FAM178B: variants seen among roughly 807,000 people sequenced by gnomAD.
FAM178B encodes protein FAM178B.
A neutral mutation model predicts 91.7 loss-of-function variants in FAM178B; 82 were observed. The ratio of observed to expected loss-of-function variants is 0.89; its 90% CI spans 0.75 to 1.07. The LOEUF is 1.07. FAM178B is among the 50% of genes least tolerant of loss of function. The pLI is 0.00. For synonymous variants in FAM178B, 368 were observed against 359.4 expected, an observed-to-expected ratio of 1.02 and a Z score of -0.27; for missense variants, 769 against 846.7, an observed-to-expected ratio of 0.91 and a Z score of 1.14.
At chr2:96,973,543 A>C (rs2082251491) in intron 1 of FAM178B, among the ~76,000 whole-genome samples, 1 of 152,220 alleles carries the variant, frequency 6.6e-6, no homozygotes, top group Non-Finnish European at 1.5e-5. Flanking sequence ...GATCGGACCC[A>C]GGCTCAAACT....
intron 13 of FAM178B, among the ~76,000 whole-genome samples, chr2:96,900,735 G>T (rs1462505161): frequency 6.6e-6 from 1 of 151,942 alleles, no homozygotes; most frequent in Non-Finnish European, 1.5e-5. Context: ...GGCAAAGGAG[G>T]CATCTGAGGC....
At chr2:96,905,834 ATATATATATATATATATATATATATATTT>A (rs1374052224) in intron 12 of FAM178B, among the ~76,000 whole-genome samples, 239 of 23,022 alleles carry the variant, frequency 0.01, 5 homozygotes, top group Non-Finnish European at 0.02. Flanking sequence ...ATATATATAT[ATATATATATATATATATATATATATATTT>A]TTTTTTTTTT....
At chr2:96,893,715 G>A (rs753229977) in intron 14 of FAM178B, among the ~76,000 whole-genome samples, 7 of 152,054 alleles carry the variant, frequency 4.6e-5, no homozygotes, top group African/African-American at 7.2e-5. Flanking sequence ...CGTCCCCAGC[G>A]CCTGCGGCAC....
intron 12 of FAM178B, 50 bp from the exon 13 acceptor site, chr2:96,902,757 C>T: frequency 7.1e-7 from 1 of 1,402,146 alleles, no homozygotes; most frequent in Non-Finnish European, 9.9e-7. Context: ...AGTCGGGGAG[C>T]CCGAGCAGGG....
intron 6 of FAM178B, among the ~76,000 whole-genome samples, chr2:96,954,003 G>A (rs1380068959): frequency 1.3e-5 from 2 of 152,240 alleles, no homozygotes; most frequent in Non-Finnish European, 2.9e-5. Context: ...TTGGGTGACA[G>A]AATTGGCTGT....
chr2:96,964,133 T>G (rs1184760310), intron 5 of FAM178B, among the ~76,000 whole-genome samples: 1 of 141,134 alleles, frequency 7.1e-6, no homozygotes, highest in Non-Finnish European at 1.6e-5. Flanking sequence ...TGAGCCAAGA[T>G]AACTCCAGCC....
At chr2:96,953,037 C>G (rs2081951643) in intron 6 of FAM178B, among the ~76,000 whole-genome samples, 1 of 152,218 alleles carries the variant, frequency 6.6e-6, no homozygotes, top group African/African-American at 2.4e-5. Context: ...GCTGCTGTCT[C>G]TCTGAGAATG....
At chr2:96,921,689 C>A (rs971255884) in intron 10 of FAM178B, 35 bp from the exon 11 acceptor site, 4 of 1,546,376 alleles carry the variant, frequency 2.6e-6, no homozygotes. Context: ...GTGGCCAGGG[C>A]ATGGGGGAAC....
rs2081854642 is a variant in FAM178B at position 96,947,792 on chromosome 2, T to C, written c.1078+26A>G. 4 of 1,396,470 alleles carry C rather than the reference T, an allele frequency of 2.9e-6. No individual in the cohort carries two copies. In the African/African-American group the frequency reaches 4.4e-5, roughly 15 times the overall value. 86.5% of individuals were successfully genotyped at this position (1,396,470 alleles called of 1,614,324 possible). A position where few individuals can be genotyped will look rare whatever the true frequency, so the allele number is the denominator to read the frequency against. ...CAGGCTTGGGAGCTCAGTGCGCCAA[T>C]CTCCACCCTGCATCCCAGTACTGAC... On this transcript the variant is annotated intron_variant, in intron 8 of 16. Coordinates refer to ENST00000490605, the MANE Select transcript of FAM178B (RefSeq NM_001122646.3).
intron 8 of FAM178B, among the ~76,000 whole-genome samples, chr2:96,940,154 C>T (rs1281176870): frequency 6.6e-6 from 1 of 152,158 alleles, no homozygotes; most frequent in African/African-American, 2.4e-5. Flanking sequence ...GCGTGGCAGA[C>T]CTGGATCCCA....
chr2:96,967,064 G>C (rs559739303), intron 5 of FAM178B, among the ~76,000 whole-genome samples: 1 of 152,270 alleles, frequency 6.6e-6, no homozygotes, highest in African/African-American at 2.4e-5. Flanking sequence ...ATGCTCCGAA[G>C]TAGAGATGAA....
intron 1 of FAM178B, among the ~76,000 whole-genome samples, chr2:96,978,973 A>ACT (rs200859866): frequency 0.034 from 1,501 of 44,188 alleles, 96 homozygotes; most frequent in East Asian, 0.18. Context: ...TGTATGTATC[A>ACT]CTTTTTTTTT....
At position 96,893,990 on chromosome 2, in the gene FAM178B, T is replaced by C. The variant is rs1265185047; in HGVS notation, c.1712A>G (p.Asp571Gly). 6 of 1,612,544 alleles carry C rather than the reference T, an allele frequency of 3.7e-6. No homozygotes were observed. Among genetic ancestry groups the C allele is most frequent in the Non-Finnish European group, 5.1e-6 (6 of 1,179,602 alleles). Residue 571 changes from aspartate (D) to glycine (G), a missense_variant, in exon 14 of 17, where the codon GAC (aspartate) becomes GGC (glycine). Coordinates refer to ENST00000490605, the MANE Select transcript of FAM178B (RefSeq NM_001122646.3). Reference protein sequence around the residue: ...MRPSSLRQYLDSVPLPPCQEQ... With the variant: ...MRPSSLRQYLGSVPLPPCQEQ... ...CTGGCAGGGTGGCAAGGGCACAGAGTCCAGGTATTGCCTGAGAGATGATGG... is the reference window on the plus strand; with the variant it reads ...CTGGCAGGGTGGCAAGGGCACAGAGCCCAGGTATTGCCTGAGAGATGATGG...
rs762857272 is a variant in FAM178B at position 96,967,639 on chromosome 2, C to T, written c.627-12G>A. 7.8e-6 allele frequency: 12 copies of T among 1,533,012 alleles called. No individual in the cohort carries two copies. Among genetic ancestry groups the T allele is most frequent in the African/African-American group, 4.1e-5 (3 of 72,722 alleles). 95.0% of individuals were successfully genotyped at this position (1,533,012 alleles called of 1,614,324 possible). A position where few individuals can be genotyped will look rare whatever the true frequency, so the allele number is the denominator to read the frequency against. ...CCAGGGCCTGTTCCCTATAGGAAGT[C>T]GAGGGCCAGAGCCGGGGGTCAGTGT... On this transcript the variant is annotated splice_polypyrimidine_tract_variant and intron_variant, in intron 4 of 16. Coordinates refer to ENST00000490605, the MANE Select transcript of FAM178B (RefSeq NM_001122646.3).
chr2:96,964,412 T>C (rs560183519), intron 5 of FAM178B, among the ~76,000 whole-genome samples: 90 of 152,214 alleles, frequency 5.9e-4, no homozygotes, highest in South Asian at 1.0e-3. Flanking sequence ...ATGTGGTGCT[T>C]AGACCAGCAC....
chr2:96,958,686 T>A (rs1464570153), intron 6 of FAM178B, among the ~76,000 whole-genome samples: 1 of 89,528 alleles, frequency 1.1e-5, no homozygotes, highest in African/African-American at 4.4e-5. Flanking sequence ...TGAGACTCCA[T>A]CTCAAAATAC....
At chr2:96,930,243 A>AAAAAAAAT (rs1559080293) in intron 8 of FAM178B, among the ~76,000 whole-genome samples, 5 of 137,600 alleles carry the variant, frequency 3.6e-5, no homozygotes, top group African/African-American at 1.3e-4. Flanking sequence ...AAAAAAAAAA[A>AAAAAAAAT]ATCTGACCAC....
intron 1 of FAM178B, among the ~76,000 whole-genome samples, chr2:96,976,261 T>C (rs1473875200): frequency 6.6e-6 from 1 of 151,502 alleles, no homozygotes; most frequent in African/African-American, 2.4e-5. Context: ...GCCCGGCTAA[T>C]TTTTTGTATT....
chr2:96,950,079 C>T (rs2081899009), intron 7 of FAM178B: 2 of 985,578 alleles, frequency 2.0e-6, no homozygotes, highest in Admixed American at 6.1e-5. Context: ...TCTGTGCCTC[C>T]CAGGATGGGG....
Sources: allele counts gnomAD v4.1 joint callset (sites outside exome capture counted in the v4.1 genomes callset), GRCh38; gene constraint gnomAD v4.1.1; transcripts MANE v1.5; gene names NCBI Gene and HGNC (gene_info 2026-07-23, HGNC 2026-07-21).